Variants in ADAMTS18 observed in about 807,000 individuals in gnomAD.
ADAMTS18 encodes the protein A disintegrin and metalloproteinase with thrombospondin motifs 18.
Under a neutral mutation model 165.9 loss-of-function variants are expected in ADAMTS18, and 157 were observed. That is an observed-to-expected ratio of 0.95 (90% CI 0.83 to 1.08). The LOEUF (loss-of-function observed/expected upper bound fraction) is 1.08, where lower values mean the gene tolerates loss of function less well. ADAMTS18 is among the 50% of genes least tolerant of loss of function. ADAMTS18 has a pLI of 0.00. For missense variants in ADAMTS18, 2,040 were observed against 1,534.0 expected, an observed-to-expected ratio of 1.33 and a Z score of -5.51; for synonymous variants, 782 against 578.2, an observed-to-expected ratio of 1.35 and a Z score of -5.06.
Position 77,353,640 on chromosome 16 carries a change from T to A in ADAMTS18, c.1614+93A>T. 6 of 1,569,000 alleles carry A rather than the reference T, an allele frequency of 3.8e-6. No homozygotes were observed. The South Asian group carries it at 6.7e-5, about 18-fold the overall frequency. The stretch of plus-strand genomic sequence containing the variant: ...GTAGAGATAACCCAGAACCTAACCC[T>A]TGGCCTTGGCAAACCAAATGTTTAC... On this transcript the variant is annotated intron_variant, in intron 10 of 22. Transcript: ENST00000282849.
At chr16:77,395,757 G>C (rs1567538444) in intron 3 of ADAMTS18, among the ~76,000 whole-genome samples, 1 of 152,026 alleles carries the variant, frequency 6.6e-6, no homozygotes, top group Non-Finnish European at 1.5e-5. Flanking sequence ...AAAAAAAATA[G>C]TAATAATGAA....
chr16:77,353,987 C>T, intron 9 of ADAMTS18, 101 bp from the exon 10 acceptor site: 4 of 1,411,336 alleles, frequency 2.8e-6, no homozygotes, highest in Non-Finnish European at 4.0e-6. Flanking sequence ...AAAAATATAG[C>T]ATGGTTCTAG....
intron 16 of ADAMTS18, among the ~76,000 whole-genome samples, chr16:77,314,624 A>AGTGTGTGTGT (rs765802389): frequency 0.019 from 1,247 of 67,376 alleles, 21 homozygotes; most frequent in Non-Finnish European, 0.032. Context: ...AAAAAAAAAA[A>AGTGTGTGTGT]ATGTGTGTGT....
chr16:77,303,788 C>T (rs1202678703), intron 16 of ADAMTS18, among the ~76,000 whole-genome samples: 1 of 152,200 alleles, frequency 6.6e-6, no homozygotes, highest in East Asian at 1.9e-4. Context: ...AATCCCAGTA[C>T]TTTGGGAGGC....
rs143497377 is a variant in ADAMTS18, at chr16:77,284,043, G to C, written c.3579C>G (p.Asn1193Lys). ...CATGCTGAGGAACTAGGTGACACCAGTTGAAGAAATCTACGCAGGATGGAT... is the reference window on the plus strand; with the variant it reads ...CATGCTGAGGAACTAGGTGACACCACTTGAAGAAATCTACGCAGGATGGAT... ...REDPSCVDFFNWCHLVPQHGV... is the reference protein window; with the variant it reads ...REDPSCVDFFKWCHLVPQHGV... The change falls in exon 23 of 23, where the codon AAC (asparagine) becomes AAG (lysine). Residue 1193 changes from asparagine to lysine, a missense_variant. Transcript: ENST00000282849. 5 of 1,613,416 alleles carry C rather than the reference G, an allele frequency of 3.1e-6. No individual in the cohort carries two copies. The African/African-American group carries it at 5.3e-5, about 17-fold the overall frequency.
intron 16 of ADAMTS18, among the ~76,000 whole-genome samples, chr16:77,308,780 C>T (rs982339301): frequency 2.6e-5 from 4 of 152,166 alleles, no homozygotes; most frequent in African/African-American, 9.7e-5. Context: ...GTGTCTACTT[C>T]AGATGAACTG....
chr16:77,320,080 C>G lies in ADAMTS18; in HGVS notation c.2301G>C (p.Val767=). The change falls in exon 16 of 23, where the codon GTG becomes GTC. Residue 767 remains valine (V), a synonymous_variant. Transcript: ENST00000282849. ...TTCGGGCGCCAGCTGGAATGAGGAC[C>G]ACCGGATAATATTCTAAATGGAAAG... ...NQHKANEYYP[V]VLIPAGARSI... is the part of the protein sequence containing the mutation. 6.2e-7 allele frequency: 1 copy of G among 1,614,018 alleles called. No individual in the cohort carries two copies. The highest frequency in any genetic ancestry group is 2.2e-5 in the East Asian group (1 of 44,850).
At chr16:77,419,039 C>T (rs1196334833) in intron 3 of ADAMTS18, among the ~76,000 whole-genome samples, 1 of 152,166 alleles carries the variant, frequency 6.6e-6, no homozygotes, top group Non-Finnish European at 1.5e-5. Flanking sequence ...ATCCCAGCTA[C>T]TCAGAAGGCT....
chr16:77,342,222 G>T (rs2056409225), intron 10 of ADAMTS18, among the ~76,000 whole-genome samples: 1 of 152,156 alleles, frequency 6.6e-6, no homozygotes, highest in South Asian at 2.1e-4. Context: ...TTCAGTTGCA[G>T]TTTTCTCACC....
At position 77,349,422 on chromosome 16, in the gene ADAMTS18, A is replaced by T. The variant is rs192392676; in HGVS notation, c.1614+4311T>A. Among the ~76,000 whole-genome samples the T allele has an allele frequency of 4.0e-5, 6 of 150,660 alleles. No homozygotes were observed. In the East Asian group the frequency reaches 1.2e-3, roughly 30 times the overall value. On this transcript the variant is annotated intron_variant, in intron 10 of 22. Transcript: ENST00000282849. Reference sequence around the variant, plus strand: ...ACCCCAGCCCACCAGACACAAATGCATATCTGATTGTTCCCCTGCCCCACT... The same window carrying T: ...ACCCCAGCCCACCAGACACAAATGCTTATCTGATTGTTCCCCTGCCCCACT...
chr16:77,359,940 T>C (rs2056688107), intron 7 of ADAMTS18, among the ~76,000 whole-genome samples: 2 of 152,226 alleles, frequency 1.3e-5, no homozygotes, highest in African/African-American at 4.8e-5. Context: ...CATTTTTCTC[T>C]GGTTCTTTAT....
Position 77,367,846 on chromosome 16 carries a change from A to G in ADAMTS18, c.496-123T>C. Reference sequence around the variant, plus strand: ...GGCACAGGAGCTAAAAGCTTCACACATATTGCCTCATTTTTATCTGCACCA... The same window carrying G: ...GGCACAGGAGCTAAAAGCTTCACACGTATTGCCTCATTTTTATCTGCACCA... On this transcript the variant is annotated intron_variant, in intron 3 of 22. Transcript: ENST00000282849. The G allele has an allele frequency of 3.7e-6, 4 of 1,079,214 alleles. No homozygotes were observed. The South Asian group carries it at 3.9e-5, about 10-fold the overall frequency. The allele number at this position is 1,079,214 out of a possible 1,614,324, so 66.9% of individuals were successfully genotyped here. A position where few individuals can be genotyped will look rare whatever the true frequency, so the allele number is the denominator to read the frequency against.
intron 4 of ADAMTS18, among the ~76,000 whole-genome samples, chr16:77,365,401 C>G (rs984636975): frequency 6.6e-6 from 1 of 152,154 alleles, no homozygotes; most frequent in Non-Finnish European, 1.5e-5. Context: ...AAATAGTGGG[C>G]ATGTCTTAAA....
chr16:77,321,278 G>A (rs1045872962), intron 14 of ADAMTS18, 76 bp from the exon 15 acceptor site: 20 of 1,577,532 alleles, frequency 1.3e-5, no homozygotes, highest in Non-Finnish European at 1.6e-5. Flanking sequence ...AGAGGTATAT[G>A]GTTCTCTGTA....
Position 77,300,400 on chromosome 16 carries a change from AG to A in ADAMTS18, c.2536del (p.Leu846Ter). 2 of 1,614,102 alleles carry A rather than the reference AG, an allele frequency of 1.2e-6. No individual in the cohort carries two copies. Among genetic ancestry groups the A allele is most frequent in the Non-Finnish European group, 1.7e-6 (2 of 1,179,970 alleles). On this transcript the variant is annotated frameshift_variant, in exon 17 of 23. Coordinates refer to ENST00000282849, the MANE Select transcript of ADAMTS18 (RefSeq NM_199355.4). LOFTEE classifies it high-confidence loss of function. Reference protein sequence around the residue: ...PTNETLVFEILMQGKNPGIAW... With the variant: ...PTNETLVFEIXMQGKNPGIAW... ...TATCCCTGGATTTTTGCCTTGCATC[AG>A]AATCTGGACAGTGTAAGATAAAAAT...
intron 17 of ADAMTS18, chr16:77,299,995 A>G (rs74486092): frequency 0.11 from 34,858 of 310,648 alleles, 2,195 homozygotes; most frequent in East Asian, 0.19. Flanking sequence ...TAAATAATTC[A>G]ATATATTTTA....
At chr16:77,287,212 G>A (rs555644224) in intron 22 of ADAMTS18, among the ~76,000 whole-genome samples, 1 of 152,288 alleles carries the variant, frequency 6.6e-6, no homozygotes, top group South Asian at 2.1e-4. Context: ...GCTCAGAGAA[G>A]AGGCAAAGAA....
intron 10 of ADAMTS18, among the ~76,000 whole-genome samples, chr16:77,343,965 C>A: frequency 6.6e-6 from 1 of 151,598 alleles, no homozygotes; most frequent in African/African-American, 2.4e-5. Flanking sequence ...ATTCAATGAA[C>A]CAGGCACCTA....
chr16:77,358,157 G>C (rs1365619921), intron 8 of ADAMTS18, among the ~76,000 whole-genome samples: 1 of 152,128 alleles, frequency 6.6e-6, no homozygotes, highest in Non-Finnish European at 1.5e-5. Context: ...TCATATCTAG[G>C]AAAGTGTGCA....
Sources: allele counts gnomAD v4.1 joint callset (sites outside exome capture counted in the v4.1 genomes callset), GRCh38; gene constraint gnomAD v4.1.1; transcripts MANE v1.5; gene names NCBI Gene and HGNC (gene_info 2026-07-23, HGNC 2026-07-21).